The following DYNLL1 variants were observed in gnomAD, a reference collection of about 807,000 sequenced individuals.
DYNLL1 encodes the protein dynein light chain LC8-type 1.
In DYNLL1, 3 loss-of-function variants were observed where a neutral mutation model predicts 10.1. The ratio of observed to expected loss-of-function variants is 0.30; its 90% CI spans 0.14 to 0.77. The LOEUF (loss-of-function observed/expected upper bound fraction) is 0.77, where lower values mean the gene tolerates loss of function less well. Among genes scored for constraint, DYNLL1 ranks in the 30% least tolerant of loss-of-function variants. The pLI is 0.66. For missense variants in DYNLL1, 47 were observed against 111.7 expected, an observed-to-expected ratio of 0.42 and a Z score of 2.61; for synonymous variants, 46 against 41.2, an observed-to-expected ratio of 1.12 and a Z score of -0.45.
upstream of DYNLL1, among the ~76,000 whole-genome samples, chr12:120,495,131 G>C (rs1447014771): frequency 6.6e-6 from 1 of 152,130 alleles, no homozygotes. Context: ...GATCTGACTT[G>C]TCCCTCAACT....
intron 2 of DYNLL1, 188 bp from the exon 3 acceptor site, chr12:120,497,885 C>T: frequency 1.7e-6 from 1 of 595,180 alleles, no homozygotes; most frequent in South Asian, 2.3e-5. Context: ...CATCTTCGCT[C>T]AGACTGCAAG....
chr12:120,496,972 C>T (rs1868448065), intron 2 of DYNLL1: 1 of 142,792 alleles, frequency 7.0e-6, no homozygotes, highest in South Asian at 1.4e-4. Context: ...GGTGGCGGGG[C>T]TGGGGGCTGG....
At chr12:120,488,750 A>T (rs1483600629) in intron 1 of DYNLL1, 1 of 152,082 alleles carries the variant, frequency 6.6e-6, no homozygotes, top group Non-Finnish European at 1.5e-5. Flanking sequence ...CATGTCAACT[A>T]AAAATACAAA....
At chr12:120,491,221 C>T (rs1422373455), upstream of DYNLL1, 1 of 152,376 alleles carries the variant, frequency 6.6e-6, no homozygotes. Flanking sequence ...TTGGTCTACT[C>T]AGGCGGTGCT....
chr12:120,496,778 G>T (rs921310807), intron 2 of DYNLL1: 2 of 643,844 alleles, frequency 3.1e-6, no homozygotes, highest in African/African-American at 1.8e-5. Flanking sequence ...CAGCTCCGCG[G>T]GGGGAAAGCG....
In DYNLL1 at chr12:120,498,264, C is replaced by T; in HGVS notation, c.*54C>T. ...ATCCATCCAAAAACAAGGACTGCAG[C>T]CTAAATTCCAAATACCAGAGACTGA... On this transcript the variant is annotated 3_prime_UTR_variant, in exon 3 of 3. Coordinates refer to ENST00000242577, the MANE Select transcript of DYNLL1 (RefSeq NM_003746.3). The T allele has an allele frequency of 1.3e-6, 2 of 1,561,942 alleles. No individual in the cohort carries two copies. Among genetic ancestry groups the T allele is most frequent in the South Asian group, 1.2e-5 (1 of 84,460 alleles).
chr12:120,489,125 T>C (rs1879063491), intron 1 of DYNLL1, among the ~76,000 whole-genome samples: 1 of 151,952 alleles, frequency 6.6e-6, no homozygotes, highest in South Asian at 2.1e-4. Context: ...TATTGCTAGC[T>C]GAATAAGCAT....
chr12:120,487,056 G>A (rs1216578667), intron 1 of DYNLL1, among the ~76,000 whole-genome samples: 1 of 144,972 alleles, frequency 6.9e-6, no homozygotes, highest in African/African-American at 2.5e-5. Flanking sequence ...CTCACTGCAA[G>A]CTCTGCCTCC....
chr12:120,489,771 G>GA, intron 1 of DYNLL1, among the ~76,000 whole-genome samples: 1 of 151,188 alleles, frequency 6.6e-6, no homozygotes, highest in Non-Finnish European at 1.5e-5. Context: ...TTTTTGAGGT[G>GA]GAGTCTCTCT....
At chr12:120,482,650 G>A (rs915458669) in intron 1 of DYNLL1, among the ~76,000 whole-genome samples, 1 of 151,740 alleles carries the variant, frequency 6.6e-6, no homozygotes, top group Non-Finnish European at 1.5e-5. Context: ...TACAGAGAAA[G>A]GCAAAGGTAC....
chr12:120,475,615 A>G (rs754151387), intron 1 of DYNLL1, among the ~76,000 whole-genome samples: 5 of 152,340 alleles, frequency 3.3e-5, no homozygotes, highest in Non-Finnish European at 7.3e-5. Context: ...ACATGTAGCT[A>G]TTGAGCACTT....
At chr12:120,489,988 T>C (rs1029613248) in intron 1 of DYNLL1, among the ~76,000 whole-genome samples, 1 of 152,236 alleles carries the variant, frequency 6.6e-6, no homozygotes, top group Non-Finnish European at 1.5e-5. Context: ...GCTCAGGCAA[T>C]CTGCCCGCCT....
At chr12:120,477,729 C>A (rs1669556530) in intron 1 of DYNLL1, among the ~76,000 whole-genome samples, 1 of 152,132 alleles carries the variant, frequency 6.6e-6, no homozygotes, top group African/African-American at 2.4e-5. Flanking sequence ...GAACTAGGGT[C>A]TCGCCACTGT....
At chr12:120,470,969 C>T (rs1878636310) in intron 1 of DYNLL1, among the ~76,000 whole-genome samples, 2 of 152,004 alleles carry the variant, frequency 1.3e-5, no homozygotes, top group African/African-American at 4.8e-5. Context: ...TGCTTGAGCC[C>T]GGGAGGCGAA....
intron 1 of DYNLL1, among the ~76,000 whole-genome samples, chr12:120,484,151 G>A (rs879484668): frequency 6.6e-6 from 1 of 152,056 alleles, no homozygotes; most frequent in Non-Finnish European, 1.5e-5. Flanking sequence ...ATTTTTAAAA[G>A]AATATGACAG....
At position 120,498,127 on chromosome 12, in the gene DYNLL1, G is replaced by C; in HGVS notation, c.187G>C (p.Gly63Arg). The C allele has an allele frequency of 6.2e-7, 1 of 1,614,136 alleles. No individual in the cohort carries two copies. The highest frequency in any genetic ancestry group is 8.5e-7 in the Non-Finnish European group (1 of 1,180,016). Residue 63 changes from glycine (G) to arginine (R), a missense_variant, in exon 3 of 3, where the codon GGT becomes CGT. Transcript: ENST00000242577. The stretch of plus-strand genomic sequence containing the variant: ...GCATTGCATCGTGGGGAGGAACTTC[G>C]GTAGTTATGTGACACATGAAACCAA... Reference protein sequence around the residue: ...TWHCIVGRNFGSYVTHETKHF... With the variant: ...TWHCIVGRNFRSYVTHETKHF...
chr12:120,493,995 A>T (rs1296343303), upstream of DYNLL1: 1 of 152,114 alleles, frequency 6.6e-6, no homozygotes, highest in East Asian at 1.9e-4. Flanking sequence ...TTAAATAAAT[A>T]ATAACAGGGG....
At chr12:120,492,845 G>A (rs1275910261), upstream of DYNLL1, among the ~76,000 whole-genome samples, 1 of 152,102 alleles carries the variant, frequency 6.6e-6, no homozygotes, top group Admixed American at 6.5e-5. The surrounding 1 kb of genome is among the most constrained non-coding windows in gnomAD (Gnocchi z 4.1). Flanking sequence ...AGGGGGACCT[G>A]GTGAAGGAAT....
intron 1 of DYNLL1, chr12:120,490,470 C>T (rs1002908063): frequency 2.0e-5 from 3 of 152,216 alleles, no homozygotes; most frequent in Admixed American, 6.5e-5. Flanking sequence ...CAGATCCCGC[C>T]TCTTAGTCTA....
Sources: allele counts gnomAD v4.1 joint callset (sites outside exome capture counted in the v4.1 genomes callset), GRCh38; gene constraint gnomAD v4.1.1; non-coding constraint Gnocchi (gnomAD v3.1); transcripts MANE v1.5; gene names NCBI Gene and HGNC (gene_info 2026-07-23, HGNC 2026-07-21).